Variants in CHRNA7 observed in about 807,000 individuals in gnomAD.
The protein encoded by CHRNA7 is cholinergic receptor nicotinic alpha 7 subunit, also known as neuronal acetylcholine receptor subunit alpha-7.
In CHRNA7, 17 loss-of-function variants were observed where a neutral mutation model predicts 48.0. The ratio of observed to expected loss-of-function variants is 0.35; its 90% CI spans 0.24 to 0.53. The LOEUF is 0.53. Ranked by LOEUF, CHRNA7 falls within the 20% of genes least tolerant of loss-of-function variation. The pLI, the probability that CHRNA7 is intolerant of heterozygous loss-of-function variation, is 0.92. For missense variants in CHRNA7, 155 were observed against 577.7 expected, an observed-to-expected ratio of 0.27 and a Z score of 7.50; for synonymous variants, 75 against 242.3, an observed-to-expected ratio of 0.31 and a Z score of 6.41.
At position 32,159,754 on chromosome 15, in the gene CHRNA7, A is replaced by T; in HGVS notation, c.880+99A>T. 2 of 545,434 alleles carry T rather than the reference A, an allele frequency of 3.7e-6. 1 individual carries two copies. Among genetic ancestry groups the T allele is most frequent in the Middle Eastern group, 8.1e-4 (2 of 2,482 alleles). The allele number at this position is 545,434 out of a possible 1,614,324, so 33.8% of individuals were successfully genotyped here. A position where few individuals can be genotyped will look rare whatever the true frequency, so the allele number is the denominator to read the frequency against. Reference sequence around the variant, plus strand: ...ATGAAACTAGAAGAAATAGGGCTGCACTGCCCCCATTTTCTCTGGAAGGTG... The same window carrying T: ...ATGAAACTAGAAGAAATAGGGCTGCTCTGCCCCCATTTTCTCTGGAAGGTG... On this transcript the variant is annotated intron_variant, in intron 8 of 9. Coordinates refer to ENST00000306901, the MANE Select transcript of CHRNA7 (RefSeq NM_000746.6).
chr15:32,147,371 T>A (rs569096779), intron 4 of CHRNA7, among the ~76,000 whole-genome samples: 17 of 152,278 alleles, frequency 1.1e-4, no homozygotes, highest in Admixed American at 7.8e-4. Flanking sequence ...GTGACAAACA[T>A]GCACATGTAT....
intron 2 of CHRNA7, among the ~76,000 whole-genome samples, chr15:32,051,646 G>A (rs538300598): frequency 2.0e-5 from 3 of 152,282 alleles, no homozygotes; most frequent in Middle Eastern, 3.4e-3. Flanking sequence ...TGCATGGTGC[G>A]CTGCACCGAC....
At chr15:32,042,485 A>T (rs1410625998) in intron 2 of CHRNA7, among the ~76,000 whole-genome samples, 1 of 152,150 alleles carries the variant, frequency 6.6e-6, no homozygotes, top group African/African-American at 2.4e-5. Flanking sequence ...TTCCTGTGGG[A>T]ACCTGGTAGA....
chr15:32,161,668 A>G (rs2051893746), intron 8 of CHRNA7: 1 of 140,130 alleles, frequency 7.1e-6, no homozygotes, highest in Non-Finnish European at 1.5e-5. Context: ...TGAGGGCTGC[A>G]CCCTCAGGAC....
intron 2 of CHRNA7, among the ~76,000 whole-genome samples, chr15:32,076,219 A>T (rs1393307032): frequency 3.3e-5 from 5 of 151,962 alleles, no homozygotes; most frequent in South Asian, 2.1e-4. Flanking sequence ...ATCCTTGCTG[A>T]TTTTCTGTCT....
chr15:32,036,558 T>G (rs962891507), intron 2 of CHRNA7, among the ~76,000 whole-genome samples: 4 of 152,234 alleles, frequency 2.6e-5, no homozygotes, highest in African/African-American at 9.6e-5. Flanking sequence ...CAGCAATGAA[T>G]GAGAGCCCCT....
At chr15:32,044,402 C>G (rs1235192229) in intron 2 of CHRNA7, among the ~76,000 whole-genome samples, 2 of 152,062 alleles carry the variant, frequency 1.3e-5, no homozygotes, top group African/African-American at 4.8e-5. Flanking sequence ...CTCAGCCTCC[C>G]GAGTAGCTGG....
chr15:32,148,600 C>T (rs905835418), intron 4 of CHRNA7, among the ~76,000 whole-genome samples: 7 of 152,298 alleles, frequency 4.6e-5, no homozygotes, highest in African/African-American at 1.4e-4. Flanking sequence ...GACCCACCCA[C>T]AGGGTCCACC....
At chr15:32,151,941 G>C (rs1286899245) in intron 4 of CHRNA7, among the ~76,000 whole-genome samples, 1 of 152,174 alleles carries the variant, frequency 6.6e-6, no homozygotes, top group Non-Finnish European at 1.5e-5. Context: ...GCTCCTGCAG[G>C]GGCCATAGTG....
chr15:32,103,423 A>AAG lies in CHRNA7; in HGVS notation c.240+2077_240+2078insGA, dbSNP rs777460536. On this transcript the variant is annotated intron_variant, in intron 3 of 9. Coordinates refer to ENST00000306901, the MANE Select transcript of CHRNA7 (RefSeq NM_000746.6). ...AGACTCAATCTCAAGAAAAAAAAAA[A>AAG]AAAGAAAGAAAAAGAAAATGGATGT... 2.0e-4 allele frequency among the ~76,000 whole-genome samples: 30 copies of AAG among 151,402 alleles called. 1 individual carries two copies. The highest frequency in any genetic ancestry group is 1.5e-3 in the East Asian group (8 of 5,164).
At chr15:32,080,940 A>G (rs945222979) in intron 2 of CHRNA7, among the ~76,000 whole-genome samples, 3 of 152,244 alleles carry the variant, frequency 2.0e-5, no homozygotes, top group African/African-American at 7.2e-5. Flanking sequence ...CATATACACC[A>G]TGGAATACTA....
Position 32,044,253 on chromosome 15 carries a change from C to CTCCCTTCCTTCCT in CHRNA7, c.195+13219_195+13220insCTTCCTTCCTTCC, listed in dbSNP as rs1555373124. On this transcript the variant is annotated intron_variant, in intron 2 of 9. Coordinates refer to ENST00000306901, the MANE Select transcript of CHRNA7 (RefSeq NM_000746.6). ...TGTTGCCAGATCGATCGATCTTTTC[C>CTCCCTTCCTTCCT]TCCTTCCTTCCTTCCTTCCTTCCTT... 3.2e-3 allele frequency among the ~76,000 whole-genome samples: 455 copies of CTCCCTTCCTTCCT among 141,024 alleles called. 4 individuals carry two copies. The highest frequency in any genetic ancestry group is 0.011 in the African/African-American group (434 of 37,790). 92.5% of individuals were successfully genotyped at this position (141,024 alleles called of 152,430 possible). A position where few individuals can be genotyped will look rare whatever the true frequency, so the allele number is the denominator to read the frequency against.
At chr15:32,112,156 C>T (rs1429291045) in intron 4 of CHRNA7, 10 of 609,258 alleles carry the variant, frequency 1.6e-5, no homozygotes, top group South Asian at 3.2e-5. Context: ...TGTATGTTCT[C>T]GGGGCCTAGT....
chr15:32,040,497 C>T (rs549370047), intron 2 of CHRNA7, among the ~76,000 whole-genome samples: 1 of 152,026 alleles, frequency 6.6e-6, no homozygotes, highest in African/African-American at 2.4e-5. Flanking sequence ...TATACCACTT[C>T]ATGCATAATG....
At chr15:32,128,331 T>G (rs1028790914) in intron 4 of CHRNA7, among the ~76,000 whole-genome samples, 3 of 152,012 alleles carry the variant, frequency 2.0e-5, no homozygotes, top group African/African-American at 7.2e-5. Flanking sequence ...TGTACAAAAC[T>G]CTTGCTGGGT....
intron 2 of CHRNA7, among the ~76,000 whole-genome samples, chr15:32,059,835 G>GGT (rs2049847446): frequency 6.8e-6 from 1 of 146,960 alleles, no homozygotes; most frequent in East Asian, 2.0e-4. Context: ...CAGTACATCA[G>GGT]GTGTAAGGAA....
At chr15:32,115,329 C>T (rs1248168606) in intron 4 of CHRNA7, among the ~76,000 whole-genome samples, 5 of 152,184 alleles carry the variant, frequency 3.3e-5, no homozygotes, top group African/African-American at 7.2e-5. Flanking sequence ...AGGCACGCTC[C>T]GCCATGTGCC....
At chr15:32,137,344 C>CCCA (rs1555386697) in intron 4 of CHRNA7, among the ~76,000 whole-genome samples, 11 of 151,268 alleles carry the variant, frequency 7.3e-5, no homozygotes, top group African/African-American at 2.7e-4. Flanking sequence ...CACCCCCCCC[C>CCCA]CACACAAACA....
chr15:32,140,257 C>CT (rs753263766), intron 4 of CHRNA7, among the ~76,000 whole-genome samples: 17 of 152,020 alleles, frequency 1.1e-4, no homozygotes, highest in Non-Finnish European at 1.5e-4. Context: ...TGAACTCATC[C>CT]TTTTTTATGG....
Sources: gnomAD v4.1 joint callset for allele counts (sites outside exome capture counted in the v4.1 genomes callset) on GRCh38, gnomAD v4.1.1 for gene constraint, MANE v1.5 for transcripts, NCBI Gene and HGNC (gene_info 2026-07-23, HGNC 2026-07-21) for gene names.